Variants in HNRNPU observed in about 807,000 individuals in gnomAD.
The protein encoded by HNRNPU is HNRNPU antisense RNA 1.
A neutral mutation model predicts 94.7 loss-of-function variants in HNRNPU; 5 were observed. That is an observed-to-expected ratio of 0.05 (90% CI 0.03 to 0.11). The LOEUF is 0.11. Ranked by LOEUF, HNRNPU falls within the 10% of genes least tolerant of loss-of-function variation. HNRNPU has a pLI of 1.00. For synonymous variants in HNRNPU, 434 were observed against 381.6 expected, an observed-to-expected ratio of 1.14 and a Z score of -1.60; for missense variants, 710 against 1,049.2, an observed-to-expected ratio of 0.68 and a Z score of 4.47.
chr1:244,856,958 AT>A, intron 8 of HNRNPU, 102 bp from the exon 9 acceptor site: 5 of 924,084 alleles, frequency 5.4e-6, no homozygotes, highest in Non-Finnish European at 6.6e-6. Flanking sequence ...GCAACATTTT[AT>A]AATTTAAATA....
In HNRNPU at chr1:244,855,531, T is replaced by G; in HGVS notation, c.2245A>C (p.Ile749Leu). The G allele has an allele frequency of 6.2e-7, 1 of 1,614,062 alleles. No homozygotes were observed. The highest frequency in any genetic ancestry group is 2.2e-5 in the East Asian group (1 of 44,874). The change falls in exon 12 of 14, where the codon ATC becomes CTC. Residue 749 changes from isoleucine (I) to leucine (L), a missense_variant. This residue lies in a region of HNRNPU where 152 missense variants were observed against 238.9 expected (regional missense o/e 0.64). Coordinates refer to ENST00000640218, the MANE Select transcript of HNRNPU (RefSeq NM_031844.3). ...GGGGCACGAGGGTATGGATAGCCGATTCCACCACTTCCTCCACCGCCACCA... is the reference window on the plus strand; with the variant it reads ...GGGGCACGAGGGTATGGATAGCCGAGTCCACCACTTCCTCCACCGCCACCA... ...RGGGGGGSGG[I>L]GYPYPRAPVF...
At chr1:244,854,539 T>TATA (rs1558185464) in intron 13 of HNRNPU, 36 bp from the exon 14 acceptor site, 1 of 1,335,922 alleles carries the variant, frequency 7.5e-7, no homozygotes, top group East Asian at 2.3e-5. Flanking sequence ...AGAAAAAACA[T>TATA]CAATAAGCCA....
rs888049011 is a variant in HNRNPU at position 244,864,212 on chromosome 1, G to A, written c.96C>T (p.Ala32=). 2 of 1,611,984 alleles carry A rather than the reference G, an allele frequency of 1.2e-6. No individual in the cohort carries two copies. The highest frequency in any genetic ancestry group is 1.3e-5 in the African/African-American group (1 of 74,898). The change falls in exon 1 of 14, where the codon GCC becomes GCT. Residue 32 remains alanine, a synonymous_variant. Transcript: ENST00000640218. ...CAGCCTGGAGTCGCTCCATGAGCTCGGCCTTGAGACCCTTGTCAGAAAGGC... is the reference window on the plus strand; with the variant it reads ...CAGCCTGGAGTCGCTCCATGAGCTCAGCCTTGAGACCCTTGTCAGAAAGGC... ...KRRLSDKGLK[A]ELMERLQAAL... is the part of the protein sequence containing the mutation.
chr1:244,861,655 T>C (rs947934812), intron 3 of HNRNPU: 1 of 152,092 alleles, frequency 6.6e-6, no homozygotes. Context: ...GCTGATACTT[T>C]TGAAACAGTT....
rs189682607 is a variant in HNRNPU, at chr1:244,863,047, G to A, written c.692-317C>T. 3,824 of 318,776 alleles carry A rather than the reference G, an allele frequency of 0.012. 34 individuals are homozygous for A. Among genetic ancestry groups the A allele is most frequent in the Middle Eastern group, 0.02 (21 of 1,042 alleles). 19.7% of individuals were successfully genotyped at this position (318,776 alleles called of 1,614,324 possible). ...GGGAGGGGCCGAGCCCGGCGCGGCG[G>A]CGCTCCCCTCCCCCGCGGGCCCGCG... is the stretch of plus-strand genomic sequence containing the variant. On this transcript the variant is annotated intron_variant, in intron 1 of 13. Transcript: ENST00000640218.
In HNRNPU at chr1:244,863,735, G is replaced by A. The variant is rs1295513946; in HGVS notation, c.573C>T (p.Thr191=). 2 of 1,575,642 alleles carry A rather than the reference G, an allele frequency of 1.3e-6. No individual in the cohort carries two copies. Among genetic ancestry groups the A allele is most frequent in the Non-Finnish European group, 1.7e-6 (2 of 1,165,822 alleles). Residue 191 remains threonine, a synonymous_variant, in exon 1 of 14, where the codon ACC becomes ACT. Coordinates refer to ENST00000640218, the MANE Select transcript of HNRNPU (RefSeq NM_031844.3). The part of the protein sequence containing the change: ...KEAAGKSSGP[T]SLFAVTVAPP... ...GCGCCACCGTCACCGCGAACAGCGA[G>A]GTGGGGCCGCTGCTCTTCCCCGCGG...
Position 244,855,502 on chromosome 1 carries a change from A to C in HNRNPU, c.2274T>G (p.Val758=), listed in dbSNP as rs748148223. 6.8e-6 allele frequency: 11 copies of C among 1,614,026 alleles called. No individual in the cohort carries two copies. In the Admixed American group the frequency reaches 1.8e-4, roughly 27 times the overall value. The change falls in exon 12 of 14, where the codon GTT becomes GTG. Residue 758 remains valine, a synonymous_variant. Transcript: ENST00000640218. ...TTGAGTAACTACCACGGCCAGGAAAAACAGGGGCACGAGGGTATGGATAGC... is the reference window on the plus strand; with the variant it reads ...TTGAGTAACTACCACGGCCAGGAAACACAGGGGCACGAGGGTATGGATAGC... ...GIGYPYPRAP[V]FPGRGSYSNR... is the part of the protein sequence containing the mutation.
At chr1:244,855,252 T>C in intron 12 of HNRNPU, 172 bp downstream of exon 12, 1 of 766,342 alleles carries the variant, frequency 1.3e-6, no homozygotes, top group Non-Finnish European at 2.2e-6. Flanking sequence ...TTAGTACACC[T>C]GAAAAAACTC....
chr1:244,855,318 C>A, intron 12 of HNRNPU, 106 bp downstream of exon 12: 1 of 1,101,880 alleles, frequency 9.1e-7, no homozygotes, highest in Non-Finnish European at 1.3e-6. Context: ...ATGTCAATGC[C>A]TATCATGTTC....
intron 3 of HNRNPU, chr1:244,861,643 T>C (rs938998414): frequency 6.6e-6 from 1 of 151,534 alleles, no homozygotes; most frequent in African/African-American, 2.4e-5. Flanking sequence ...GCTGACACCA[T>C]AGCTGATACT....
rs1680871887 is a variant in HNRNPU at position 244,862,746 on chromosome 1, G to A, written c.692-16C>T. ...TTGCCGTCCCCTAAAACACACACGA[G>A]CCCCATAAAGGCCAAGCCTCTAAAC... On this transcript the variant is annotated splice_polypyrimidine_tract_variant and intron_variant, in intron 1 of 13. Transcript: ENST00000640218. The A allele has an allele frequency of 1.3e-6, 2 of 1,581,824 alleles. No individual in the cohort carries two copies. The highest frequency in any genetic ancestry group is 8.7e-7 in the Non-Finnish European group (1 of 1,150,726).
rs1173328071 is a variant in HNRNPU, at chr1:244,855,355, A to G, written c.2352+69T>C. On this transcript the variant is annotated intron_variant, in intron 12 of 13. Coordinates refer to ENST00000640218, the MANE Select transcript of HNRNPU (RefSeq NM_031844.3). ...TTACGGATTACTAAGACACCCCAAC[A>G]TAAAGCTCACACCTTTCCAGACTAA... is the stretch of plus-strand genomic sequence containing the variant. 3 of 1,456,848 alleles carry G rather than the reference A, an allele frequency of 2.1e-6. No individual in the cohort carries two copies. In the Admixed American group the frequency reaches 5.2e-5, roughly 25 times the overall value. The allele number at this position is 1,456,848 out of a possible 1,614,324, so 90.2% of individuals were successfully genotyped here.
In HNRNPU at chr1:244,852,545, G is replaced by C. The variant is rs181566305; in HGVS notation, c.*1905C>G. 6.6e-6 allele frequency: 1 copy of C among 152,120 alleles called. No homozygotes were observed. Among genetic ancestry groups the C allele is most frequent in the East Asian group, 1.9e-4 (1 of 5,204 alleles). The allele number at this position is 152,120 out of a possible 1,614,324, so 9.4% of individuals were successfully genotyped here. Reference sequence around the variant, plus strand: ...TGCAATCCTAATAATGTATACTGAAGAGTAGTAGCTCAGGCCAGTGGTTCT... The same window carrying C: ...TGCAATCCTAATAATGTATACTGAACAGTAGTAGCTCAGGCCAGTGGTTCT... On this transcript the variant is annotated 3_prime_UTR_variant, in exon 14 of 14. Coordinates refer to ENST00000640218, the MANE Select transcript of HNRNPU (RefSeq NM_031844.3).
Position 244,856,504 on chromosome 1 carries a change from TCTG to T in HNRNPU, c.1862_1864del (p.Ala621del). 1 of 1,614,054 alleles carries T rather than the reference TCTG, an allele frequency of 6.2e-7. No individual in the cohort carries two copies. The highest frequency in any genetic ancestry group is 8.5e-7 in the Non-Finnish European group (1 of 1,179,966). ...TTCTGGTAGGTCTTTCCCCTCTACT[TCTG>T]CTTTCTTCTGTGTTCTTTGCTTATA... On this transcript the variant is annotated inframe_deletion, in exon 10 of 14. Transcript: ENST00000640218.
intron 12 of HNRNPU, 61 bp from the exon 13 acceptor site, chr1:244,855,105 G>T: frequency 7.5e-7 from 1 of 1,339,668 alleles, no homozygotes; most frequent in Non-Finnish European, 1.1e-6. Context: ...GTTTGTGGGG[G>T]TGAGAGAGAG....
chr1:244,858,907 T>C, intron 5 of HNRNPU, 66 bp from the exon 6 acceptor site: 1 of 758,432 alleles, frequency 1.3e-6, no homozygotes, highest in Non-Finnish European at 2.3e-6. Flanking sequence ...TCTATTTTAC[T>C]ACTTAAGATG....
At position 244,862,613 on chromosome 1, in the gene HNRNPU, C is replaced by G; in HGVS notation, c.803+6G>C. 6.2e-7 allele frequency: 1 copy of G among 1,609,462 alleles called. No individual in the cohort carries two copies. The highest frequency in any genetic ancestry group is 1.3e-5 in the African/African-American group (1 of 74,950). On this transcript the variant is annotated splice_donor_region_variant and intron_variant, in intron 2 of 13. Coordinates refer to ENST00000640218, the MANE Select transcript of HNRNPU (RefSeq NM_031844.3). ...GGATGAGTAAAACTAGGTGAGCATC[C>G]TATACCTGCTATACTTGTTCTCTTC...
In HNRNPU at chr1:244,854,370, AAGTT is replaced by A; in HGVS notation, c.*76_*79del. On this transcript the variant is annotated 3_prime_UTR_variant, in exon 14 of 14. Coordinates refer to ENST00000640218, the MANE Select transcript of HNRNPU (RefSeq NM_031844.3). ...CACTTCCTCTTGTGGAATGTTTAAA[AAGTT>A]AGCCTACTAAAGAAAACAGTCGACT... 2 of 955,398 alleles carry A rather than the reference AAGTT, an allele frequency of 2.1e-6. No individual in the cohort carries two copies. Among genetic ancestry groups the A allele is most frequent in the East Asian group, 2.4e-5 (1 of 41,712 alleles). 59.2% of individuals were successfully genotyped at this position (955,398 alleles called of 1,614,324 possible).
intron 1 of HNRNPU, chr1:244,863,084 C>T (rs371180680): frequency 4.6e-5 from 12 of 263,670 alleles, no homozygotes; most frequent in South Asian, 4.2e-4. Context: ...TCCCCGCGGC[C>T]GCATTGTACT....
Sources: allele counts gnomAD v4.1 joint callset, GRCh38; gene constraint gnomAD v4.1.1; regional missense constraint gnomAD v4.1.1; transcripts MANE v1.5; gene names NCBI Gene and HGNC (gene_info 2026-07-23, HGNC 2026-07-21).